Variants in TRPM5 observed in about 807,000 individuals in gnomAD.
TRPM5 encodes the protein MLSN1 and TRP-related.
TRPM5 carries 121 observed loss-of-function variants against 124.9 expected under a neutral mutation model. That is an observed-to-expected ratio of 0.97 (90% CI 0.84 to 1.13). The LOEUF is 1.13. Ranked by LOEUF, TRPM5 falls within the 50% of genes most tolerant of loss-of-function variation. The pLI, the probability that TRPM5 is intolerant of heterozygous loss-of-function variation, is 0.00. For synonymous variants in TRPM5, 781 were observed against 700.5 expected (o/e 1.11, Z -1.81); for missense variants, 1,643 against 1,589.1 (o/e 1.03, Z -0.58).
upstream of TRPM5, among the ~76,000 whole-genome samples, chr11:2,425,917 G>A (rs1240639953): frequency 1.3e-5 from 2 of 152,318 alleles, no homozygotes; most frequent in South Asian, 4.1e-4. Flanking sequence ...CGTCCCTGGT[G>A]GGGAAGCTAA....
At chr11:2,432,148 T>G in the TRPM5 span, among the ~76,000 whole-genome samples, 1 of 152,198 alleles carries the variant, frequency 6.6e-6, no homozygotes, top group African/African-American at 2.4e-5. Context: ...GCTCTAGCCA[T>G]GGGCACTGCT....
intron 3 of TRPM5, 58 bp from the exon 9 acceptor site, chr11:2,420,463 G>T: frequency 6.6e-7 from 1 of 1,514,194 alleles, no homozygotes; most frequent in African/African-American, 1.4e-5. Flanking sequence ...GGCTGGTCCC[G>T]CTGCGGGATC....
At chr11:2,439,984 A>C in the TRPM5 span, among the ~76,000 whole-genome samples, 1 of 152,350 alleles carries the variant, frequency 6.6e-6, no homozygotes, top group East Asian at 1.9e-4. Flanking sequence ...CACACCATGG[A>C]ATACTATGCA....
intron 22 of TRPM5, among the ~76,000 whole-genome samples, 180 bp from the exon 28 acceptor site, chr11:2,405,773 G>A (rs1170073359): frequency 6.6e-6 from 1 of 152,148 alleles, no homozygotes; most frequent in Non-Finnish European, 1.5e-5. Context: ...AGAGTGAAAG[G>A]CGAGGGGTCT....
upstream of TRPM5, among the ~76,000 whole-genome samples, chr11:2,425,657 G>GGCGGGGGTCCTCAGT (rs1845835227): frequency 4.9e-5 from 2 of 40,926 alleles, no homozygotes; most frequent in Non-Finnish European, 4.7e-5. Context: ...GGGTCCTCAG[G>GGCGGGGGTCCTCAGT]CTGGCCTTCA....
upstream of TRPM5, among the ~76,000 whole-genome samples, chr11:2,424,681 G>A (rs1276200841): frequency 6.6e-6 from 1 of 152,254 alleles, no homozygotes; most frequent in Non-Finnish European, 1.5e-5. Context: ...GGAAGAGGCA[G>A]GAAGGATCCC....
the TRPM5 span, among the ~76,000 whole-genome samples, chr11:2,430,765 T>G: frequency 6.7e-6 from 1 of 149,576 alleles, no homozygotes; most frequent in East Asian, 1.9e-4. Flanking sequence ...GTGGTTTTGG[T>G]GGTGGTGATG....
chr11:2,415,444 C>T (rs1281150472), exon 9 of TRPM5: 1 of 1,581,918 alleles, frequency 6.3e-7, no homozygotes, highest in South Asian at 1.1e-5. Context: ...ACCAGGGCGT[C>T]CACCATCACC....
the TRPM5 span, among the ~76,000 whole-genome samples, chr11:2,431,061 G>T: frequency 2.6e-4 from 40 of 152,234 alleles, no homozygotes; most frequent in African/African-American, 8.9e-4. Context: ...AAGGCTCCAG[G>T]TACTCCCAAA....
At chr11:2,409,832 G>A (rs535137426) in intron 18 of TRPM5, among the ~76,000 whole-genome samples, 25 of 152,284 alleles carry the variant, frequency 1.6e-4, no homozygotes, top group Admixed American at 1.3e-3. Context: ...TGAGATCCCC[G>A]CAGCACCGCA....
the TRPM5 span, among the ~76,000 whole-genome samples, chr11:2,428,107 G>A: frequency 6.6e-6 from 1 of 152,086 alleles, no homozygotes; most frequent in Non-Finnish European, 1.5e-5. This position sits in a 1 kb window ranked among gnomAD's most constrained non-coding sequence, Gnocchi z 4.0. Flanking sequence ...TCCTGGGATT[G>A]GATCCTGCAT....
At chr11:2,441,965 AG>A in the TRPM5 span, among the ~76,000 whole-genome samples, 1 of 152,160 alleles carries the variant, frequency 6.6e-6, no homozygotes, top group South Asian at 2.1e-4. This position sits in a 1 kb window ranked among gnomAD's most constrained non-coding sequence, Gnocchi z 7.2. Context: ...CTGGGATTAC[AG>A]GTGTGAGCCA....
Position 2,416,160 on chromosome 11 carries a change from C to T in TRPM5, c.1010-136G>A, listed in dbSNP as rs532643385. The stretch of plus-strand genomic sequence containing the variant: ...ACGCTGGGACTTGAGGGGGCACATG[C>T]GCCACCTCTGAGCACCAGCAGGAGG... On this transcript the variant is annotated intron_variant, in intron 7 of 23. Transcript: ENST00000155858. 7.0e-4 allele frequency: 432 copies of T among 616,824 alleles called. 1 individual carries two copies. Among genetic ancestry groups the T allele is most frequent in the Non-Finnish European group, 1.0e-3 (353 of 348,116 alleles). 38.2% of individuals were successfully genotyped at this position (616,824 alleles called of 1,614,324 possible).
upstream of TRPM5, among the ~76,000 whole-genome samples, chr11:2,423,710 C>T (rs184544225): frequency 1.6e-3 from 246 of 152,332 alleles, 2 homozygotes; most frequent in African/African-American, 5.5e-3. Context: ...GAAGAGGCCG[C>T]GTGCGCCTCA....
chr11:2,414,780 T>A lies in TRPM5; in HGVS notation c.1679A>T (p.His560Leu). ...GGCCGCCTCGGCCTCCGTCTCCAGG[T>A]GCGACATCTCTTTGAGGATTTTGCA... is the stretch of plus-strand genomic sequence containing the variant. Residue 560 changes from histidine to leucine, a missense_variant, in exon 11 of 24, where the codon CAC becomes CTC. Transcript: ENST00000155858. The A allele has an allele frequency of 1.3e-6, 2 of 1,565,196 alleles. No individual in the cohort carries two copies. Among genetic ancestry groups the A allele is most frequent in the Non-Finnish European group, 1.7e-6 (2 of 1,156,552 alleles).
Position 2,406,581 on chromosome 11 carries a change from C to T in TRPM5, c.3251+80G>A, listed in dbSNP as rs1287888248. 2.0e-5 allele frequency: 30 copies of T among 1,513,920 alleles called. No individual in the cohort carries two copies. The Middle Eastern group carries it at 1.2e-3, about 62-fold the overall frequency. The allele number at this position is 1,513,920 out of a possible 1,614,324, so 93.8% of individuals were successfully genotyped here. The stretch of plus-strand genomic sequence containing the variant: ...TCAGCTTCAGTTCGCCAGCTCAGAT[C>T]CTCTGTCACTGGCGCCAATGGCACA... On this transcript the variant is annotated intron_variant, in intron 21 of 23. Transcript: ENST00000155858.
At position 2,411,549 on chromosome 11, in the gene TRPM5, G is replaced by A. The variant is rs769502811; in HGVS notation, c.2608-23C>T. 17 of 1,607,588 alleles carry A rather than the reference G, an allele frequency of 1.1e-5. No individual in the cohort carries two copies. In the East Asian group the frequency reaches 3.8e-4, roughly 36 times the overall value. On this transcript the variant is annotated intron_variant, in intron 17 of 23. Coordinates refer to ENST00000155858, the Ensembl canonical transcript of TRPM5. ...CATCTCCACGGGGCAGGGGCAGAGAGAGGGACGTCAGCGGCCAGCCGGGTG... is the reference window on the plus strand; with the variant it reads ...CATCTCCACGGGGCAGGGGCAGAGAAAGGGACGTCAGCGGCCAGCCGGGTG...
At chr11:2,417,617 G>A (rs1845704205) in intron 7 of TRPM5, 110 bp downstream of exon 12, 2 of 774,526 alleles carry the variant, frequency 2.6e-6, no homozygotes, top group Admixed American at 2.4e-5. Flanking sequence ...TCCTGGGAAG[G>A]GGCAGGCGGC....
the TRPM5 span, among the ~76,000 whole-genome samples, chr11:2,444,334 A>C: frequency 6.6e-6 from 1 of 151,122 alleles, no homozygotes; most frequent in African/African-American, 2.4e-5. Context: ...CCAACTCCGG[A>C]GTGGCTCAGA....
Sources: gnomAD v4.1 joint callset for allele counts (sites outside exome capture counted in the v4.1 genomes callset) on GRCh38, gnomAD v4.1.1 for gene constraint, Gnocchi (gnomAD v3.1) non-coding constraint, MANE v1.5 for transcripts, NCBI Gene and HGNC (gene_info 2026-07-23, HGNC 2026-07-21) for gene names.